The following CSMD1 variants were observed in gnomAD, a reference collection of about 807,000 sequenced individuals.
CSMD1 encodes CUB and Sushi multiple domains 1.
Under a neutral mutation model 417.5 loss-of-function variants are expected in CSMD1, and 213 were observed. The ratio of observed to expected loss-of-function variants is 0.51; its 90% CI spans 0.46 to 0.57. The LOEUF (loss-of-function observed/expected upper bound fraction) is 0.57. Among genes scored for constraint, CSMD1 ranks in the 20% least tolerant of loss-of-function variants. CSMD1 has a pLI of 0.00. For synonymous variants in CSMD1, 2,862 were observed against 1,736.8 expected, an observed-to-expected ratio of 1.65 and a Z score of -16.11; for missense variants, 6,923 against 4,529.7, an observed-to-expected ratio of 1.53 and a Z score of -15.17.
intron 3 of CSMD1, among the ~76,000 whole-genome samples, chr8:4,145,474 G>T (rs985512756): frequency 2.6e-5 from 4 of 150,998 alleles, no homozygotes; most frequent in Non-Finnish European, 5.9e-5. Context: ...AAATATATAC[G>T]GTAAACTAGA....
chr8:3,756,769 A>G (rs1466767851), intron 5 of CSMD1, among the ~76,000 whole-genome samples: 1 of 152,122 alleles, frequency 6.6e-6, no homozygotes, highest in African/African-American at 2.4e-5. Flanking sequence ...ATTACTTATG[A>G]ACGGTTCTGA....
At chr8:3,846,676 G>C (rs1055122536) in intron 5 of CSMD1, among the ~76,000 whole-genome samples, 37 of 152,182 alleles carry the variant, frequency 2.4e-4, no homozygotes, top group African/African-American at 8.7e-4. Flanking sequence ...TATTTAGTTT[G>C]AGATGGAGTT....
intron 54 of CSMD1, among the ~76,000 whole-genome samples, chr8:2,989,346 T>C (rs933339264): frequency 1.3e-5 from 2 of 151,976 alleles, no homozygotes; most frequent in African/African-American, 4.8e-5. Flanking sequence ...AGTTCTGAAA[T>C]AAAACAAAAC....
chr8:4,749,919 C>T (rs571064650), intron 1 of CSMD1, among the ~76,000 whole-genome samples: 8 of 151,916 alleles, frequency 5.3e-5, no homozygotes, highest in Non-Finnish European at 7.4e-5. Flanking sequence ...GATTGTCAAG[C>T]GCCACTAATA....
intron 7 of CSMD1, among the ~76,000 whole-genome samples, chr8:3,620,236 A>G (rs763253912): frequency 6.6e-6 from 1 of 152,242 alleles, no homozygotes; most frequent in Non-Finnish European, 1.5e-5. Context: ...ACTCCCAGAT[A>G]ATCAAAATAG....
intron 7 of CSMD1, among the ~76,000 whole-genome samples, chr8:3,618,196 G>C (rs1173066912): frequency 6.6e-6 from 1 of 152,086 alleles, no homozygotes; most frequent in Non-Finnish European, 1.5e-5. Context: ...TCTAGAGATG[G>C]AGTCTCACTA....
At chr8:4,605,210 G>C (rs138102587) in intron 2 of CSMD1, among the ~76,000 whole-genome samples, 1 of 152,034 alleles carries the variant, frequency 6.6e-6, no homozygotes, top group Non-Finnish European at 1.5e-5. Context: ...AGCAACCATG[G>C]ACACGTTAAC....
chr8:4,415,697 GATTA>G (rs1313240927), intron 3 of CSMD1, among the ~76,000 whole-genome samples: 1 of 152,168 alleles, frequency 6.6e-6, no homozygotes, highest in African/African-American at 2.4e-5. Context: ...CGTGAATGCT[GATTA>G]AATAAATGAG....
intron 5 of CSMD1, chr8:3,949,949 T>A (rs1016424985): frequency 2.2e-6 from 1 of 455,368 alleles, no homozygotes; most frequent in African/African-American, 2.0e-5. Flanking sequence ...CATGGAGAGG[T>A]TCATGCCAGC....
chr8:3,791,495 G>C (rs766500137), intron 5 of CSMD1, among the ~76,000 whole-genome samples: 1 of 152,152 alleles, frequency 6.6e-6, no homozygotes, highest in Admixed American at 6.5e-5. Context: ...AATTTGAAAA[G>C]TCATCTCTAC....
At chr8:3,282,948 C>T (rs888842854) in intron 26 of CSMD1, among the ~76,000 whole-genome samples, 5 of 152,112 alleles carry the variant, frequency 3.3e-5, no homozygotes, top group African/African-American at 7.2e-5. Flanking sequence ...TTGTGTGCTG[C>T]CCAATAATAT....
chr8:3,043,065 A>G (rs1210800643), intron 50 of CSMD1, among the ~76,000 whole-genome samples: 2 of 151,336 alleles, frequency 1.3e-5, no homozygotes, highest in African/African-American at 4.8e-5. Context: ...TATATATAGT[A>G]CTATAATGCA....
At position 4,576,909 on chromosome 8, in the gene CSMD1, T is replaced by C. The variant is rs957332108; in HGVS notation, c.302+60433A>G. Among the ~76,000 whole-genome samples, 8 of 152,330 alleles carry C rather than the reference T, an allele frequency of 5.3e-5. No individual in the cohort carries two copies. The East Asian group carries it at 1.2e-3, about 22-fold the overall frequency. On this transcript the variant is annotated intron_variant, in intron 2 of 69. Coordinates refer to ENST00000635120, the MANE Select transcript of CSMD1 (RefSeq NM_033225.6). ...ATTAAATAATTTTTCCAGGAATTAATAGAATGATTATTTAGATTTACTTAT... is the reference window on the plus strand; with the variant it reads ...ATTAAATAATTTTTCCAGGAATTAACAGAATGATTATTTAGATTTACTTAT...
chr8:3,401,892 T>G (rs1161542), intron 15 of CSMD1, among the ~76,000 whole-genome samples: 2 of 151,718 alleles, frequency 1.3e-5, no homozygotes, highest in Non-Finnish European at 2.9e-5. Context: ...CTCACTTAGC[T>G]GATAACAAAA....
intron 50 of CSMD1, among the ~76,000 whole-genome samples, chr8:3,033,699 T>C (rs1197260792): frequency 6.6e-6 from 1 of 152,236 alleles, no homozygotes; most frequent in East Asian, 1.9e-4. Context: ...CAAACCACCA[T>C]GGCACATGTA....
intron 2 of CSMD1, among the ~76,000 whole-genome samples, chr8:4,495,182 C>T (rs1264312246): frequency 6.6e-6 from 1 of 152,016 alleles, no homozygotes; most frequent in African/African-American, 2.4e-5. Flanking sequence ...TTAGCATTAC[C>T]CAGAATTTCA....
At chr8:3,135,685 T>G (rs58487372) in intron 41 of CSMD1, among the ~76,000 whole-genome samples, 1 of 141,920 alleles carries the variant, frequency 7.0e-6, no homozygotes, top group East Asian at 2.0e-4. Context: ...CTTTAAAACA[T>G]GCTCTTGAGT....
intron 1 of CSMD1, among the ~76,000 whole-genome samples, chr8:4,969,645 A>C (rs1423069955): frequency 6.6e-6 from 1 of 151,988 alleles, no homozygotes; most frequent in East Asian, 1.9e-4. Context: ...CATGTTGTTC[A>C]TTTTGAGCCC....
intron 49 of CSMD1, among the ~76,000 whole-genome samples, chr8:3,063,387 T>G (rs1283871478): frequency 2.0e-5 from 3 of 152,242 alleles, no homozygotes; most frequent in African/African-American, 7.2e-5. Flanking sequence ...GAAACCCTTG[T>G]GTACTGTCAA....
Sources: gnomAD v4.1 joint callset for allele counts (sites outside exome capture counted in the v4.1 genomes callset) on GRCh38, gnomAD v4.1.1 for gene constraint, MANE v1.5 for transcripts, NCBI Gene and HGNC (gene_info 2026-07-23, HGNC 2026-07-21) for gene names.